The following ATG4B variants were observed in gnomAD, a reference collection of about 807,000 sequenced individuals.
ATG4B encodes autophagy related 4B cysteine peptidase, also known as cysteine protease ATG4B.
In ATG4B, 29 loss-of-function variants were observed where a neutral mutation model predicts 56.6. The ratio of observed to expected loss-of-function variants is 0.51; its 90% CI spans 0.38 to 0.70. The LOEUF (loss-of-function observed/expected upper bound fraction) is 0.70. ATG4B is among the 30% of genes least tolerant of loss of function. The pLI is 0.00. For synonymous variants in ATG4B, 224 were observed against 206.1 expected (o/e 1.09, Z -0.74); for missense variants, 461 against 515.5 (o/e 0.89, Z 1.02).
rs565165463 is a variant in ATG4B at position 241,655,850 on chromosome 2, C to T, written c.458+507C>T. On this transcript the variant is annotated intron_variant, in intron 6 of 12. Coordinates refer to ENST00000404914, the MANE Select transcript of ATG4B (RefSeq NM_013325.5). ...ACCTCACTCAGCCCCATTGCGTGCC[C>T]GCCCCCCAGATTCCTCTGAGATGAC... 2.6e-5 allele frequency among the ~76,000 whole-genome samples: 4 copies of T among 152,304 alleles called. No individual in the cohort carries two copies. In the South Asian group the frequency reaches 6.2e-4, roughly 24 times the overall value.
intron 1 of ATG4B, among the ~76,000 whole-genome samples, chr2:241,648,900 A>G (rs1321905162): frequency 1.3e-5 from 2 of 152,234 alleles, no homozygotes; most frequent in South Asian, 2.1e-4. Context: ...GCTTTTGGGT[A>G]TAGTAAAATT....
chr2:241,639,240 G>A (rs1451692428), intron 1 of ATG4B, among the ~76,000 whole-genome samples: 2 of 152,212 alleles, frequency 1.3e-5, no homozygotes, highest in Admixed American at 6.5e-5. Context: ...GGACTCCAGC[G>A]TCCAGACAAA....
chr2:241,649,069 G>A (rs2068150789), intron 1 of ATG4B, among the ~76,000 whole-genome samples: 1 of 152,204 alleles, frequency 6.6e-6, no homozygotes, highest in Non-Finnish European at 1.5e-5. Flanking sequence ...TTTTATGGAT[G>A]AGGGAACATT....
chr2:241,645,211 ACCT>A (rs1339187329), intron 1 of ATG4B, among the ~76,000 whole-genome samples: 1 of 151,604 alleles, frequency 6.6e-6, no homozygotes. Flanking sequence ...TACAGGGAAG[ACCT>A]CCTCATAACT....
At chr2:241,644,847 G>A (rs576737471) in intron 1 of ATG4B, among the ~76,000 whole-genome samples, 2 of 151,970 alleles carry the variant, frequency 1.3e-5, no homozygotes, top group Non-Finnish European at 2.9e-5. Flanking sequence ...TACTCGGGAG[G>A]CTGAGGCAGG....
Position 241,672,338 on chromosome 2 carries a change from C to G in ATG4B, c.*74C>G, listed in dbSNP as rs572012876. The G allele has an allele frequency of 6.6e-6, 9 of 1,358,958 alleles. No homozygotes were observed. The highest frequency in any genetic ancestry group is 9.2e-6 in the Non-Finnish European group (9 of 976,964). The allele number at this position is 1,358,958 out of a possible 1,614,324, so 84.2% of individuals were successfully genotyped here. On this transcript the variant is annotated 3_prime_UTR_variant, in exon 13 of 13. Transcript: ENST00000404914. ...GCCGCTGCGTTTCATCCATCCCGCC[C>G]GCTCGCCTGCCGAGGGCTGCGCCCC...
chr2:241,647,556 C>G (rs1437521500), intron 1 of ATG4B, among the ~76,000 whole-genome samples: 1 of 145,826 alleles, frequency 6.9e-6, no homozygotes, highest in Non-Finnish European at 1.5e-5. Flanking sequence ...GGAGGCAGAG[C>G]TTGCAGTGAG....
rs1341641692 is a variant in ATG4B, at chr2:241,651,600, G to A, written c.184+265G>A. Among the ~76,000 whole-genome samples, 1 of 152,210 alleles carries A rather than the reference G, an allele frequency of 6.6e-6. No individual in the cohort carries two copies. The highest frequency in any genetic ancestry group is 2.4e-5 in the African/African-American group (1 of 41,454). On this transcript the variant is annotated intron_variant, in intron 3 of 12. Coordinates refer to ENST00000404914, the MANE Select transcript of ATG4B (RefSeq NM_013325.5). This position sits in a 1 kb window ranked among gnomAD's most constrained non-coding sequence, Gnocchi z 4.1. The stretch of plus-strand genomic sequence containing the variant: ...ATCAGTATCATGAGTTATGACCAAC[G>A]TTGTTTTAAATGTAGGACAGAATGT...
intron 6 of ATG4B, among the ~76,000 whole-genome samples, chr2:241,657,024 A>G (rs35031161): frequency 0.15 from 21,557 of 141,204 alleles, 1,701 homozygotes; most frequent in Middle Eastern, 0.28. Context: ...GCTGGAGTGC[A>G]GTGGTGCAAT....
At position 241,649,047 on chromosome 2, in the gene ATG4B, G is replaced by GT. The variant is rs1396683246; in HGVS notation, c.11-1961dup. Among the ~76,000 whole-genome samples the GT allele has an allele frequency of 5.9e-5, 9 of 152,282 alleles. No individual in the cohort carries two copies. The East Asian group carries it at 1.2e-3, about 20-fold the overall frequency. On this transcript the variant is annotated intron_variant, in intron 1 of 12. Transcript: ENST00000404914. ...CACACCCATATGCTGAGGCTGTCCT[G>GT]TTGTTATCCCATTTTATGGATGAGG...
chr2:241,642,341 G>A (rs1043062020), intron 1 of ATG4B, among the ~76,000 whole-genome samples: 2 of 151,770 alleles, frequency 1.3e-5, no homozygotes, highest in African/African-American at 4.8e-5. Context: ...CTCTTTCTCT[G>A]TTTTCATTCA....
intron 7 of ATG4B, among the ~76,000 whole-genome samples, chr2:241,660,662 C>T: frequency 6.6e-6 from 1 of 152,176 alleles, no homozygotes. Context: ...AGCATTTTGA[C>T]ATTCTTACTC....
In ATG4B at chr2:241,672,046, C is replaced by T. The variant is rs1204637069; in HGVS notation, c.1109-145C>T. 4.1e-6 allele frequency: 6 copies of T among 1,455,028 alleles called. No individual in the cohort carries two copies. In the East Asian group the frequency reaches 1.0e-4, roughly 24 times the overall value. The allele number at this position is 1,455,028 out of a possible 1,614,324, so 90.1% of individuals were successfully genotyped here. On this transcript the variant is annotated intron_variant, in intron 12 of 12. Coordinates refer to ENST00000404914, the MANE Select transcript of ATG4B (RefSeq NM_013325.5). The stretch of plus-strand genomic sequence containing the variant: ...CCATATTCGCAGGTCTGCACAACCC[C>T]CGGACCTGTTCACACCCGCATGGGG...
chr2:241,659,451 A>G, intron 7 of ATG4B: 1 of 528,078 alleles, frequency 1.9e-6, no homozygotes, highest in Non-Finnish European at 3.8e-6. Context: ...TTGGTTACAA[A>G]TCGTTTATGA....
At chr2:241,657,677 T>A (rs1179422317) in intron 6 of ATG4B, among the ~76,000 whole-genome samples, 1 of 152,280 alleles carries the variant, frequency 6.6e-6, no homozygotes, top group Admixed American at 6.5e-5. Context: ...TCAAAATATG[T>A]CCAGACTCTG....
chr2:241,643,247 C>G (rs1035349149), intron 1 of ATG4B, among the ~76,000 whole-genome samples: 1 of 151,894 alleles, frequency 6.6e-6, no homozygotes, highest in Non-Finnish European at 1.5e-5. Flanking sequence ...CTTCATCGCT[C>G]AGACTGGAGT....
intron 3 of ATG4B, among the ~76,000 whole-genome samples, chr2:241,652,676 TATCAGCAGTAGAGCG>T (rs1575068434): frequency 6.6e-6 from 1 of 152,182 alleles, no homozygotes; most frequent in African/African-American, 2.4e-5. Context: ...GATACGTTTT[TATCAGCAGTAGAGCG>T]ATCAGCAGTG....
intron 1 of ATG4B, among the ~76,000 whole-genome samples, chr2:241,644,773 A>G (rs2068011563): frequency 1.3e-5 from 2 of 152,160 alleles, no homozygotes; most frequent in Admixed American, 1.3e-4. Flanking sequence ...AACATGGGAG[A>G]AACCCATCTC....
Position 241,673,292 on chromosome 2 carries a change from T to G in ATG4B, c.*1028T>G. 1 of 345,400 alleles carries G rather than the reference T, an allele frequency of 2.9e-6. No homozygotes were observed. Among genetic ancestry groups the G allele is most frequent in the East Asian group, 7.5e-5 (1 of 13,376 alleles). 21.4% of individuals were successfully genotyped at this position (345,400 alleles called of 1,614,324 possible). ...CCCGATTCCAGCACCCACCACCGCC[T>G]GACCCTGTGTAACCTGCTGTCCCGG... On this transcript the variant is annotated 3_prime_UTR_variant, in exon 13 of 13. Transcript: ENST00000404914.
Sources: gnomAD v4.1 joint callset for allele counts (sites outside exome capture counted in the v4.1 genomes callset) on GRCh38, gnomAD v4.1.1 for gene constraint, Gnocchi (gnomAD v3.1) non-coding constraint, MANE v1.5 for transcripts, NCBI Gene and HGNC (gene_info 2026-07-23, HGNC 2026-07-21) for gene names.